The following RNFT2 variants were observed in gnomAD, a reference collection of about 807,000 sequenced individuals.
RNFT2 encodes the protein ring finger protein, transmembrane 2.
A neutral mutation model predicts 53.0 loss-of-function variants in RNFT2; 36 were observed. The ratio of observed to expected loss-of-function variants is 0.68; its 90% CI spans 0.52 to 0.90. The LOEUF is 0.90. Among genes scored for constraint, RNFT2 ranks in the 40% least tolerant of loss-of-function variants. The pLI, the probability that RNFT2 is intolerant of heterozygous loss-of-function variation, is 0.00. For missense variants in RNFT2, 514 were observed against 585.6 expected, an observed-to-expected ratio of 0.88 and a Z score of 1.26; for synonymous variants, 260 against 253.2, an observed-to-expected ratio of 1.03 and a Z score of -0.26.
At chr12:116,773,118 C>G (rs1012791044) in intron 6 of RNFT2, among the ~76,000 whole-genome samples, 11 of 152,044 alleles carry the variant, frequency 7.2e-5, no homozygotes, top group Non-Finnish European at 1.3e-4. Flanking sequence ...TGAGCCACCA[C>G]GCCCGGCCAA....
chr12:116,818,242 G>C (rs1274968765), intron 7 of RNFT2, among the ~76,000 whole-genome samples: 1 of 151,378 alleles, frequency 6.6e-6, no homozygotes, highest in African/African-American at 2.4e-5. Context: ...AGGCTCGCTT[G>C]AGCCCAGGAA....
Position 116,808,943 on chromosome 12 carries a change from C to T in RNFT2, c.883-24849C>T, listed in dbSNP as rs116551905. Among the ~76,000 whole-genome samples the T allele has an allele frequency of 4.3e-3, 649 of 152,204 alleles. 7 individuals are homozygous for T. Among genetic ancestry groups the T allele is most frequent in the African/African-American group, 0.015 (612 of 41,528 alleles). On this transcript the variant is annotated intron_variant, in intron 7 of 10. Transcript: ENST00000257575. The stretch of plus-strand genomic sequence containing the variant: ...ACCAGCTCAGATGGTCACTGTCTGG[C>T]GAGCTGGCCTGGCTCCGCCCCAGCT...
chr12:116,783,055 T>C (rs17429022), intron 7 of RNFT2, among the ~76,000 whole-genome samples: 22,953 of 152,226 alleles, frequency 0.15, 2,304 homozygotes, highest in Non-Finnish European at 0.22. Context: ...ACATGTTGGC[T>C]ACCAGGGTGA....
At chr12:116,800,819 A>AAAAT in intron 7 of RNFT2, among the ~76,000 whole-genome samples, 2 of 128,092 alleles carry the variant, frequency 1.6e-5, no homozygotes, top group African/African-American at 6.6e-5. Context: ...ATCTTAAAAT[A>AAAAT]AAATAAAATA....
intron 8 of RNFT2, among the ~76,000 whole-genome samples, chr12:116,834,251 G>T (rs981087887): frequency 9.2e-5 from 14 of 151,982 alleles, no homozygotes; most frequent in Non-Finnish European, 7.4e-5. Context: ...CAGAATAGCT[G>T]GGACTACAGG....
At chr12:116,751,471 T>C (rs1267736897) in intron 4 of RNFT2, among the ~76,000 whole-genome samples, 3 of 151,990 alleles carry the variant, frequency 2.0e-5, no homozygotes, top group African/African-American at 7.2e-5. Flanking sequence ...TGGCGCGACC[T>C]CTGCTCACTG....
At chr12:116,740,753 G>A (rs1871566847) in intron 2 of RNFT2, 1 of 629,976 alleles carries the variant, frequency 1.6e-6, no homozygotes, top group East Asian at 2.7e-5. Flanking sequence ...AGCACCTCTT[G>A]GCTGCACAGT....
chr12:116,845,797 C>T (rs1276073324), intron 10 of RNFT2, among the ~76,000 whole-genome samples: 2 of 152,086 alleles, frequency 1.3e-5, no homozygotes, highest in East Asian at 3.9e-4. Context: ...CTCCTTTCCC[C>T]AATCCCTCTC....
chr12:116,816,295 T>C (rs146468491), intron 7 of RNFT2, among the ~76,000 whole-genome samples: 8 of 152,234 alleles, frequency 5.3e-5, no homozygotes, highest in African/African-American at 1.4e-4. Flanking sequence ...TGCTCTTAGA[T>C]CAAGGGAACC....
At chr12:116,847,303 A>T (rs1200482486) in intron 10 of RNFT2, among the ~76,000 whole-genome samples, 2 of 151,714 alleles carry the variant, frequency 1.3e-5, no homozygotes, top group Non-Finnish European at 2.9e-5. Flanking sequence ...TATAGCTGGC[A>T]TTTTTTTTGC....
rs1877591212 is a variant in RNFT2, at chr12:116,845,923, C to T, written c.1201-3391C>T. On this transcript the variant is annotated intron_variant, in intron 10 of 10. Transcript: ENST00000257575. ...TCAGCCTGGAATGTTCTATCTCTAT[C>T]CCATCCCCTCTCTTCTGCCCAGTTA... Among the ~76,000 whole-genome samples, 3 of 152,148 alleles carry T rather than the reference C, an allele frequency of 2.0e-5. No individual in the cohort carries two copies. The South Asian group carries it at 6.2e-4, about 32-fold the overall frequency.
At chr12:116,773,873 A>G (rs1345277188) in intron 6 of RNFT2, among the ~76,000 whole-genome samples, 5 of 152,234 alleles carry the variant, frequency 3.3e-5, no homozygotes, top group African/African-American at 1.2e-4. Context: ...TCATCATGCA[A>G]TAGCCAAAAG....
At chr12:116,743,388 T>C (rs987414778) in intron 3 of RNFT2, among the ~76,000 whole-genome samples, 1 of 151,764 alleles carries the variant, frequency 6.6e-6, no homozygotes, top group Non-Finnish European at 1.5e-5. Context: ...TGCCTCTGTC[T>C]CCCGAGTAGT....
intron 7 of RNFT2, among the ~76,000 whole-genome samples, chr12:116,833,079 C>T (rs189094477): frequency 8.4e-4 from 128 of 152,052 alleles, no homozygotes; most frequent in African/African-American, 2.9e-3. Flanking sequence ...CCACCACGCT[C>T]AGCTAATTTT....
chr12:116,766,604 T>C (rs762734125), intron 5 of RNFT2, among the ~76,000 whole-genome samples: 31 of 152,200 alleles, frequency 2.0e-4, no homozygotes, highest in Non-Finnish European at 4.0e-4. Context: ...AGATAGTTTT[T>C]CAAGCAGATG....
intron 2 of RNFT2, chr12:116,740,793 T>C (rs1871568838): frequency 4.8e-6 from 3 of 620,240 alleles, no homozygotes; most frequent in Non-Finnish European, 5.8e-6. Context: ...CATGAGGACT[T>C]TCTCCACCTC....
In RNFT2 at chr12:116,800,812, T is replaced by TCAAAATAAAATAAAA. The variant is rs142455219; in HGVS notation, c.882+21464_882+21465insCAAAATAAAATAAAA. On this transcript the variant is annotated intron_variant, in intron 7 of 10. Transcript: ENST00000257575. ...CCAGGTGACAGAGCAAGACTCCATCTTAAAATAAAATAAAATAAAATAAAA... is the reference window on the plus strand; with the variant it reads ...CCAGGTGACAGAGCAAGACTCCATCTCAAAATAAAATAAAATAAAATAAAATAAAATAAAATAAAA... 3.5e-5 allele frequency among the ~76,000 whole-genome samples: 4 copies of TCAAAATAAAATAAAA among 114,862 alleles called. 1 individual carries two copies. The highest frequency in any genetic ancestry group is 1.3e-4 in the African/African-American group (4 of 29,798). The allele number at this position is 114,862 out of a possible 152,430, so 75.4% of individuals were successfully genotyped here. A position where few individuals can be genotyped will look rare whatever the true frequency, so the allele number is the denominator to read the frequency against.
intron 7 of RNFT2, among the ~76,000 whole-genome samples, chr12:116,829,196 C>A (rs1592983346): frequency 1.3e-5 from 2 of 152,054 alleles, no homozygotes; most frequent in East Asian, 3.9e-4. Context: ...TTCTGCAGAT[C>A]TTGGGGTCTG....
intron 4 of RNFT2, 71 bp downstream of exon 4, chr12:116,750,378 G>A: frequency 6.9e-7 from 1 of 1,443,418 alleles, no homozygotes; most frequent in African/African-American, 1.4e-5. Context: ...GGTGGGGTGG[G>A]GGCTCCTCCT....
Sources: allele counts gnomAD v4.1 joint callset (sites outside exome capture counted in the v4.1 genomes callset), GRCh38; gene constraint gnomAD v4.1.1; transcripts MANE v1.5; gene names NCBI Gene and HGNC (gene_info 2026-07-23, HGNC 2026-07-21).